Variants in GREB1 observed in about 807,000 individuals in gnomAD.
GREB1 encodes protein GREB1.
Under a neutral mutation model 200.7 loss-of-function variants are expected in GREB1, and 106 were observed. That is an observed-to-expected ratio of 0.53 (90% CI 0.45 to 0.62). GREB1 has a LOEUF of 0.62. Ranked by LOEUF, GREB1 falls within the 20% of genes least tolerant of loss-of-function variation. GREB1 has a pLI of 0.00. For synonymous variants in GREB1, 1,132 were observed against 1,092.4 expected (o/e 1.04, Z -0.72); for missense variants, 2,243 against 2,556.8 (o/e 0.88, Z 2.65).
At chr2:11,620,149 G>A (rs1683884100) in intron 22 of GREB1, among the ~76,000 whole-genome samples, 8 of 152,124 alleles carry the variant, frequency 5.3e-5, no homozygotes, top group Admixed American at 3.3e-4. Context: ...GCTAATTTTT[G>A]TATTTTTAGT....
At chr2:11,573,855 G>A (rs1266512323) in intron 4 of GREB1, among the ~76,000 whole-genome samples, 2 of 152,224 alleles carry the variant, frequency 1.3e-5, no homozygotes, top group African/African-American at 2.4e-5. Flanking sequence ...TCCCCAGCCC[G>A]TGTTTCTTAT....
At chr2:11,583,285 T>C (rs1679706404) in intron 7 of GREB1, among the ~76,000 whole-genome samples, 1 of 152,230 alleles carries the variant, frequency 6.6e-6, no homozygotes, top group African/African-American at 2.4e-5. Flanking sequence ...AGGAGCTGGC[T>C]GCTTAGCCTC....
At chr2:11,616,836 G>A in intron 21 of GREB1, 116 bp downstream of exon 21, 1 of 686,588 alleles carries the variant, frequency 1.5e-6, no homozygotes. Context: ...ATCAGAACTG[G>A]AAAGATAAGG....
chr2:11,580,569 C>A lies in GREB1; in HGVS notation c.773-135C>A. The stretch of plus-strand genomic sequence containing the variant: ...TCAGTGTAGCAGAATCACTGTTGGG[C>A]ATTCTGACCTCCTGATGAGACTTGC... On this transcript the variant is annotated intron_variant, in intron 6 of 32. Transcript: ENST00000381486. The surrounding 1 kb of genome is among the most constrained non-coding windows in gnomAD (Gnocchi z 4.5). 1 of 924,876 alleles carries A rather than the reference C, an allele frequency of 1.1e-6. No individual in the cohort carries two copies. Among genetic ancestry groups the A allele is most frequent in the Non-Finnish European group, 1.7e-6 (1 of 604,012 alleles). The allele number at this position is 924,876 out of a possible 1,614,324, so 57.3% of individuals were successfully genotyped here.
At chr2:11,594,739 C>A (rs1016699075) in intron 11 of GREB1, among the ~76,000 whole-genome samples, 8 of 152,028 alleles carry the variant, frequency 5.3e-5, no homozygotes, top group Non-Finnish European at 1.5e-5. Context: ...GTCGCCCAGG[C>A]TGGAGTGTAG....
chr2:11,526,807 C>T (rs1673892613), intron 1 of GREB1, among the ~76,000 whole-genome samples: 2 of 152,192 alleles, frequency 1.3e-5, no homozygotes, highest in African/African-American at 4.8e-5. Flanking sequence ...ATCCACCCAC[C>T]TCAGCCTCCC....
At chr2:11,568,071 G>A (rs1226690212) in intron 4 of GREB1, among the ~76,000 whole-genome samples, 2 of 152,198 alleles carry the variant, frequency 1.3e-5, no homozygotes, top group Non-Finnish European at 1.5e-5. Flanking sequence ...CCTCAGGAAC[G>A]GTCTTCATGC....
At chr2:11,502,131 G>A (rs6732810) in intron 1 of GREB1, among the ~76,000 whole-genome samples, 77,218 of 149,964 alleles carry the variant, frequency 0.51, 20,222 homozygotes, top group East Asian at 0.74. Context: ...TGGCCAGGCT[G>A]GTCTCGAACT....
rs1411157955 is a variant in GREB1 at position 11,580,380 on chromosome 2, G to A, written c.773-324G>A. On this transcript the variant is annotated intron_variant, in intron 6 of 32. Transcript: ENST00000381486. The surrounding 1 kb of genome is among the most constrained non-coding windows in gnomAD (Gnocchi z 4.5). The stretch of plus-strand genomic sequence containing the variant: ...TGTGTGTCCAATGGGGTGTGAGCAG[G>A]AGGGTGCATGTTCCTGGGAGTGCAT... Among the ~76,000 whole-genome samples, 1 of 152,196 alleles carries A rather than the reference G, an allele frequency of 6.6e-6. No individual in the cohort carries two copies. The highest frequency in any genetic ancestry group is 1.9e-4 in the East Asian group (1 of 5,196).
chr2:11,587,015 C>T (rs992416923), intron 9 of GREB1, among the ~76,000 whole-genome samples: 2 of 152,094 alleles, frequency 1.3e-5, no homozygotes, highest in Non-Finnish European at 2.9e-5. Flanking sequence ...GCAGGCAGGG[C>T]GTCACCTGCT....
chr2:11,524,414 T>C (rs1466178762), intron 1 of GREB1, among the ~76,000 whole-genome samples: 1 of 152,162 alleles, frequency 6.6e-6, no homozygotes, highest in East Asian at 1.9e-4. Flanking sequence ...CCAAGAGTCA[T>C]AGGACTGTTT....
intron 13 of GREB1, 47 bp downstream of exon 13, chr2:11,596,286 G>A (rs1681197462): frequency 6.4e-7 from 1 of 1,572,854 alleles, no homozygotes; most frequent in South Asian, 1.1e-5. Context: ...GTACAAAGTA[G>A]TGATGAGGGG....
intron 1 of GREB1, among the ~76,000 whole-genome samples, chr2:11,516,683 CA>C (rs112221772): frequency 0.18 from 27,760 of 152,140 alleles, 3,243 homozygotes; most frequent in African/African-American, 0.32. Flanking sequence ...CGGCCTTACC[CA>C]AGCTCCCCGC....
chr2:11,506,149 C>T (rs979867053), intron 1 of GREB1, among the ~76,000 whole-genome samples: 8 of 152,076 alleles, frequency 5.3e-5, no homozygotes, highest in Admixed American at 2.0e-4. Context: ...ACATGGTCCC[C>T]GTGCTCACGG....
At chr2:11,524,644 G>A (rs1673811437) in intron 1 of GREB1, among the ~76,000 whole-genome samples, 1 of 152,190 alleles carries the variant, frequency 6.6e-6, no homozygotes, top group African/African-American at 2.4e-5. Flanking sequence ...GCCTTGCTCT[G>A]TTTTGTTCTT....
intron 1 of GREB1, among the ~76,000 whole-genome samples, chr2:11,539,049 TTCTCTTCTCTTCTCTTCTC>T (rs1674534209): frequency 7.1e-6 from 1 of 140,618 alleles, no homozygotes; most frequent in South Asian, 2.5e-4. Context: ...TTCTCTTCTC[TTCTCTTCTCTTCTCTTCTC>T]TTATGATAGG....
chr2:11,534,525 G>A (rs896568962), intron 1 of GREB1, among the ~76,000 whole-genome samples: 3 of 152,170 alleles, frequency 2.0e-5, no homozygotes, highest in Admixed American at 2.0e-4. Context: ...GTGCTGAAGT[G>A]GGGAGCGTGC....
Position 11,592,812 on chromosome 2 carries a change from A to G in GREB1, c.1382A>G (p.Gln461Arg), listed in dbSNP as rs1680867558. The part of the protein sequence containing the change: ...DQVPLMEDLE[Q>R]IFLRSWRESH... ...GTGCCCTTGATGGAGGACCTGGAGCAGATCTTCCTGCGCTCTTGGCGCGAG... is the reference window on the plus strand; with the variant it reads ...GTGCCCTTGATGGAGGACCTGGAGCGGATCTTCCTGCGCTCTTGGCGCGAG... Residue 461 changes from glutamine to arginine, a missense_variant, in exon 11 of 33, where the codon CAG becomes CGG. Physicochemically the swap from Gln to Arg is conservative, Grantham distance 43. Around this residue, in one of 3 missense-constraint regions of GREB1, gnomAD observed 1,178 missense variants for 1,387.4 expected, o/e 0.85. Coordinates refer to ENST00000381486, the MANE Select transcript of GREB1 (RefSeq NM_014668.4). The G allele has an allele frequency of 6.4e-7, 1 of 1,570,794 alleles. No homozygotes were observed. The highest frequency in any genetic ancestry group is 1.4e-5 in the African/African-American group (1 of 72,120).
chr2:11,495,140 A>G (rs1205419211), intron 1 of GREB1, among the ~76,000 whole-genome samples: 1 of 152,146 alleles, frequency 6.6e-6, no homozygotes, highest in East Asian at 1.9e-4. Context: ...GCCTCTTTCT[A>G]TAGACATATT....
Sources: allele counts gnomAD v4.1 joint callset (sites outside exome capture counted in the v4.1 genomes callset), GRCh38; gene constraint gnomAD v4.1.1; regional missense constraint gnomAD v4.1.1; non-coding constraint Gnocchi (gnomAD v3.1); transcripts MANE v1.5; gene names NCBI Gene and HGNC (gene_info 2026-07-23, HGNC 2026-07-21).